TNNT3: variants seen among roughly 807,000 people sequenced by gnomAD.
The protein encoded by TNNT3 is troponin T, fast skeletal muscle.
Under a neutral mutation model 54.2 loss-of-function variants are expected in TNNT3, and 36 were observed. The observed-to-expected ratio is 0.66, with a 90% CI of 0.51 to 0.88. TNNT3 has a LOEUF of 0.88. Among genes scored for constraint, TNNT3 ranks in the 40% least tolerant of loss-of-function variants. The pLI is 0.00. For synonymous variants in TNNT3, 120 were observed against 109.7 expected (o/e 1.09, Z -0.59); for missense variants, 291 against 331.6 (o/e 0.88, Z 0.95).
chr11:1,929,312 T>C (rs1852597384), intron 7 of TNNT3, among the ~76,000 whole-genome samples, 169 bp downstream of exon 7: 1 of 152,190 alleles, frequency 6.6e-6, no homozygotes, highest in African/African-American at 2.4e-5. Flanking sequence ...CTCCGCACGG[T>C]GCCGCTGGGG....
chr11:1,934,788 G>C, intron 13 of TNNT3, 41 bp from the exon 14 acceptor site: 1 of 1,607,816 alleles, frequency 6.2e-7, no homozygotes, highest in Non-Finnish European at 8.5e-7. Flanking sequence ...CCCTGCCTTT[G>C]GGGCTTATTC....
At position 1,934,868 on chromosome 11, in the gene TNNT3, G is replaced by A. The variant is rs1783960690; in HGVS notation, c.630G>A (p.Leu210=). ...AGCTCTGGGAGACCCTGCACCAGCTGGAGATTGACAAGTTCGAGTTTGGGG... is the reference window on the plus strand; with the variant it reads ...AGCTCTGGGAGACCCTGCACCAGCTAGAGATTGACAAGTTCGAGTTTGGGG... The part of the protein sequence containing the change: ...AKELWETLHQ[L]EIDKFEFGEK... The change falls in exon 14 of 16, where the codon CTG becomes CTA. Residue 210 remains leucine, a synonymous_variant. Transcript: ENST00000278317. 1.2e-6 allele frequency: 2 copies of A among 1,613,682 alleles called. No homozygotes were observed. Among genetic ancestry groups the A allele is most frequent in the African/African-American group, 1.3e-5 (1 of 75,070 alleles).
Position 1,938,669 on chromosome 11 carries a change from C to T in TNNT3, c.*177C>T. 1.4e-6 allele frequency: 1 copy of T among 721,844 alleles called. No individual in the cohort carries two copies. The highest frequency in any genetic ancestry group is 2.5e-6 in the Non-Finnish European group (1 of 398,668). 44.7% of individuals were successfully genotyped at this position (721,844 alleles called of 1,614,324 possible). On this transcript the variant is annotated 3_prime_UTR_variant, in exon 16 of 16. Transcript: ENST00000278317. ...CGTCTGTGTCCTTGCTGCCTTCATC[C>T]CCTGGGGCCTGTGAATAAAGCTGCA...
chr11:1,923,280 G>T (rs1370926481), intron 3 of TNNT3, among the ~76,000 whole-genome samples: 1 of 152,126 alleles, frequency 6.6e-6, no homozygotes, highest in African/African-American at 2.4e-5. Flanking sequence ...GGGCCTGCAG[G>T]TCAGGCTCTG....
chr11:1,925,404 A>G (rs1410571829), intron 5 of TNNT3: 1 of 1,046,496 alleles, frequency 9.6e-7, no homozygotes. Context: ...GGGCCCCCAC[A>G]TGTGGCCCTA....
chr11:1,938,560 C>T lies in TNNT3; in HGVS notation c.*68C>T. 6.8e-7 allele frequency: 1 copy of T among 1,476,334 alleles called. No individual in the cohort carries two copies. Among genetic ancestry groups the T allele is most frequent in the Non-Finnish European group, 9.4e-7 (1 of 1,065,444 alleles). The allele number at this position is 1,476,334 out of a possible 1,614,324, so 91.5% of individuals were successfully genotyped here. On this transcript the variant is annotated 3_prime_UTR_variant, in exon 16 of 16. Transcript: ENST00000278317. ...TTGCACACCAGGGCCGCTCGTGGGACTCCACATCCTCCAGCCCCCACAATC... is the reference window on the plus strand; with the variant it reads ...TTGCACACCAGGGCCGCTCGTGGGATTCCACATCCTCCAGCCCCCACAATC...
chr11:1,924,822 C>T (rs1201717424), intron 4 of TNNT3: 3 of 597,702 alleles, frequency 5.0e-6, no homozygotes, highest in East Asian at 2.8e-5. Context: ...TACCAGGCCC[C>T]CAGGAGGGTG....
At chr11:1,932,369 G>C (rs1367191438) in intron 8 of TNNT3, 100 bp from the exon 9 acceptor site, 1 of 1,125,786 alleles carries the variant, frequency 8.9e-7, no homozygotes, top group African/African-American at 1.5e-5. Context: ...AGAGCAGGAG[G>C]GCACCAGGGT....
chr11:1,927,521 G>A (rs1851960098), intron 6 of TNNT3, among the ~76,000 whole-genome samples: 1 of 152,174 alleles, frequency 6.6e-6, no homozygotes. Context: ...CCCTGGACAA[G>A]AAGGGACATG....
chr11:1,919,758 C>CGT lies in TNNT3; in HGVS notation c.-22_-21insTG. The stretch of plus-strand genomic sequence containing the variant: ...GCTCCAGCCCTTCTCACACTCGACC[C>CGT]GCAGGTGGGTATAGGCAGGAGCGGC... On this transcript the variant is annotated 5_prime_UTR_variant, in exon 1 of 16. Transcript: ENST00000278317. The CGT allele has an allele frequency of 6.6e-6, 1 of 152,374 alleles. No homozygotes were observed. Among genetic ancestry groups the CGT allele is most frequent in the South Asian group, 2.1e-4 (1 of 4,822 alleles). 9.4% of individuals were successfully genotyped at this position (152,374 alleles called of 1,614,324 possible).
chr11:1,932,817 C>A (rs958503086), intron 9 of TNNT3, among the ~76,000 whole-genome samples: 2 of 149,584 alleles, frequency 1.3e-5, no homozygotes, highest in African/African-American at 2.5e-5. Context: ...TCTATCCATC[C>A]ATTCATCCAC....
intron 3 of TNNT3, among the ~76,000 whole-genome samples, 188 bp downstream of exon 3, chr11:1,923,249 G>A (rs913532164): frequency 2.0e-5 from 3 of 152,118 alleles, no homozygotes; most frequent in African/African-American, 7.2e-5. Flanking sequence ...TTTCCCCGAA[G>A]TGTGGCCACA....
chr11:1,920,627 C>T (rs1203681280), intron 1 of TNNT3, among the ~76,000 whole-genome samples: 1 of 152,120 alleles, frequency 6.6e-6, no homozygotes, highest in East Asian at 1.9e-4. Context: ...CCACAGCAAG[C>T]AAGGGGCAGC....
At position 1,934,859 on chromosome 11, in the gene TNNT3, G is replaced by T; in HGVS notation, c.621G>T (p.Leu207=). The T allele has an allele frequency of 6.2e-7, 1 of 1,613,654 alleles. No individual in the cohort carries two copies. The highest frequency in any genetic ancestry group is 1.3e-5 in the African/African-American group (1 of 75,068). ...AGGCCAAGGAGCTCTGGGAGACCCT[G>T]CACCAGCTGGAGATTGACAAGTTCG... ...RDKAKELWET[L]HQLEIDKFEF... The change falls in exon 14 of 16, where the codon CTG becomes CTT. Residue 207 remains leucine, a synonymous_variant. Coordinates refer to ENST00000278317, the MANE Select transcript of TNNT3 (RefSeq NM_006757.4).
chr11:1,924,772 A>T, intron 4 of TNNT3: 1 of 549,982 alleles, frequency 1.8e-6, no homozygotes, highest in Non-Finnish European at 3.3e-6. Context: ...AGCAGGACTT[A>T]ACAAGGGCCC....
intron 1 of TNNT3, chr11:1,921,588 C>T (rs548834648): frequency 6.6e-6 from 1 of 152,316 alleles, no homozygotes; most frequent in East Asian, 1.9e-4. Flanking sequence ...GAAAAAGCTA[C>T]CCCCGTTGCC....
chr11:1,934,005 G>A lies in TNNT3; in HGVS notation c.363G>A (p.Leu121=), dbSNP rs551533720. 89 of 1,611,832 alleles carry A rather than the reference G, an allele frequency of 5.5e-5. No homozygotes were observed. The African/African-American group carries it at 1.1e-3, about 21-fold the overall frequency. Residue 121 remains leucine (L), a synonymous_variant, in exon 11 of 16, where the codon CTG becomes CTA. Coordinates refer to ENST00000278317, the MANE Select transcript of TNNT3 (RefSeq NM_006757.4). ...AGGAGAGGGAGCGCCAGAACAGACT[G>A]GCGGTGAGGGCACCATCCGCACTGC... The part of the protein sequence containing the change: ...AEKERERQNR[L]AEEKARREEE...
intron 11 of TNNT3, 79 bp from the exon 12 acceptor site, chr11:1,934,253 A>T (rs1854287420): frequency 7.4e-7 from 1 of 1,347,144 alleles, no homozygotes; most frequent in Non-Finnish European, 1.1e-6. Context: ...CTCTAAGCCC[A>T]GGGTGGGTCC....
chr11:1,934,757 A>C, intron 13 of TNNT3, 72 bp from the exon 14 acceptor site: 2 of 1,594,924 alleles, frequency 1.3e-6, no homozygotes, highest in Non-Finnish European at 1.7e-6. Flanking sequence ...CAGTGGCTGC[A>C]GGAGGACTCC....
Sources: allele counts gnomAD v4.1 joint callset (sites outside exome capture counted in the v4.1 genomes callset), GRCh38; gene constraint gnomAD v4.1.1; transcripts MANE v1.5; gene names NCBI Gene and HGNC (gene_info 2026-07-23, HGNC 2026-07-21).